SRGAP1: variants seen among roughly 807,000 people sequenced by gnomAD.
SRGAP1 encodes the protein SLIT-ROBO Rho GTPase-activating protein 1.
Under a neutral mutation model 121.9 loss-of-function variants are expected in SRGAP1, and 43 were observed. That is an observed-to-expected ratio of 0.35 (90% CI 0.28 to 0.46). The LOEUF (loss-of-function observed/expected upper bound fraction) is 0.46, where lower values mean the gene tolerates loss of function less well. SRGAP1 is among the 20% of genes least tolerant of loss of function. The pLI is 1.00. For synonymous variants in SRGAP1, 447 were observed against 485.4 expected, an observed-to-expected ratio of 0.92 and a Z score of 1.04; for missense variants, 1,102 against 1,350.9, an observed-to-expected ratio of 0.82 and a Z score of 2.89.
chr12:63,900,204 CTTTTTT>C (rs67622101), intron 1 of SRGAP1, among the ~76,000 whole-genome samples: 8 of 87,524 alleles, frequency 9.1e-5, no homozygotes, highest in African/African-American at 2.4e-4. Flanking sequence ...TTTTCTTTTT[CTTTTTT>C]TTTTTTTTTT....
At chr12:64,105,906 T>C (rs143866042) in intron 15 of SRGAP1, among the ~76,000 whole-genome samples, 4 of 152,334 alleles carry the variant, frequency 2.6e-5, no homozygotes, top group East Asian at 1.9e-4. Flanking sequence ...ATGAATAATA[T>C]AGTAAGAGTG....
chr12:63,922,971 G>T (rs547938410), intron 1 of SRGAP1, among the ~76,000 whole-genome samples: 68 of 152,182 alleles, frequency 4.5e-4, no homozygotes, highest in Admixed American at 2.3e-3. Flanking sequence ...ATATGAAAAC[G>T]TTTGGTAGCA....
At chr12:64,023,892 A>G (rs1479998450) in intron 4 of SRGAP1, among the ~76,000 whole-genome samples, 1 of 152,148 alleles carries the variant, frequency 6.6e-6, no homozygotes. Flanking sequence ...ACAGACAGTA[A>G]ATGACTGATC....
At chr12:63,859,083 T>C (rs1016428417) in intron 1 of SRGAP1, among the ~76,000 whole-genome samples, 2 of 152,228 alleles carry the variant, frequency 1.3e-5, no homozygotes, top group African/African-American at 4.8e-5. Flanking sequence ...GATAGTATTC[T>C]CTTATTTTAA....
At position 64,155,725 on chromosome 12, in the gene SRGAP1, C is replaced by CGGGA. The variant is rs1356707227; in HGVS notation, c.*13055_*13056insGAGG. On this transcript the variant is annotated 3_prime_UTR_variant, in exon 22 of 22. Transcript: ENST00000355086. ...TCGGCTCACCGCAACCTCTGCCTCC[C>CGGGA]GGTTTCAAGCGATTCTCCTGCCTCA... 1 of 151,936 alleles carries CGGGA rather than the reference C, an allele frequency of 6.6e-6. No homozygotes were observed. The highest frequency in any genetic ancestry group is 1.5e-5 in the Non-Finnish European group (1 of 68,042). 9.4% of individuals were successfully genotyped at this position (151,936 alleles called of 1,614,324 possible). A position where few individuals can be genotyped will look rare whatever the true frequency, so the allele number is the denominator to read the frequency against.
chr12:64,092,485 CATACATACATACATACATAT>C (rs2036072753), intron 12 of SRGAP1, among the ~76,000 whole-genome samples: 1 of 151,628 alleles, frequency 6.6e-6, no homozygotes, highest in African/African-American at 2.4e-5. Flanking sequence ...TACATACATA[CATACATACATACATACATAT>C]GTACATAGAT....
chr12:64,029,568 A>G (rs888213340), intron 4 of SRGAP1, among the ~76,000 whole-genome samples: 1 of 152,206 alleles, frequency 6.6e-6, no homozygotes, highest in Non-Finnish European at 1.5e-5. Flanking sequence ...ATTTAGTGAT[A>G]AAGGATGGAT....
chr12:64,056,939 A>G (rs917391497), intron 6 of SRGAP1, among the ~76,000 whole-genome samples: 1 of 152,042 alleles, frequency 6.6e-6, no homozygotes, highest in African/African-American at 2.4e-5. Context: ...CCTTTATCTT[A>G]TCTATAGCAT....
chr12:64,117,529 T>G (rs74482236), intron 18 of SRGAP1, among the ~76,000 whole-genome samples: 3,452 of 152,320 alleles, frequency 0.023, 61 homozygotes, highest in South Asian at 0.12. Flanking sequence ...TTTATCAATC[T>G]TTTCCTTCAT....
intron 1 of SRGAP1, among the ~76,000 whole-genome samples, chr12:63,847,868 C>CA (rs1043094131): frequency 6.6e-6 from 1 of 151,874 alleles, no homozygotes; most frequent in Non-Finnish European, 1.5e-5. Flanking sequence ...TAGAACCTAA[C>CA]ACTCTAGAAT....
intron 4 of SRGAP1, among the ~76,000 whole-genome samples, chr12:64,038,157 T>G (rs1413030204): frequency 6.6e-6 from 1 of 152,212 alleles, no homozygotes; most frequent in Non-Finnish European, 1.5e-5. Context: ...GGTACTTATT[T>G]CATAAGAGTT....
intron 1 of SRGAP1, among the ~76,000 whole-genome samples, chr12:63,893,819 T>C (rs1245958334): frequency 6.6e-6 from 1 of 152,226 alleles, no homozygotes; most frequent in Non-Finnish European, 1.5e-5. Context: ...TTTTGCATGT[T>C]AAGAAACAAA....
At chr12:63,924,418 CT>C (rs1245922384) in intron 1 of SRGAP1, among the ~76,000 whole-genome samples, 1 of 152,174 alleles carries the variant, frequency 6.6e-6, no homozygotes, top group East Asian at 1.9e-4. Flanking sequence ...TCTTCATTAA[CT>C]TTTTGTGATT....
At chr12:63,999,464 C>T (rs113322140) in intron 3 of SRGAP1, among the ~76,000 whole-genome samples, 209 of 152,172 alleles carry the variant, frequency 1.4e-3, no homozygotes, top group African/African-American at 4.9e-3. Flanking sequence ...GATGCTCTTC[C>T]TTGGTTGTGG....
chr12:64,140,199 G>T (rs1435077557), intron 21 of SRGAP1, among the ~76,000 whole-genome samples: 1 of 141,198 alleles, frequency 7.1e-6, no homozygotes, highest in Admixed American at 7.1e-5. Flanking sequence ...TTGTTCTTTT[G>T]GCTTAGGATT....
chr12:64,060,771 T>C (rs987088351), intron 6 of SRGAP1, among the ~76,000 whole-genome samples: 1 of 152,192 alleles, frequency 6.6e-6, no homozygotes, highest in African/African-American at 2.4e-5. Context: ...AGATACATCC[T>C]TTGTACAAAA....
At chr12:64,137,282 T>G (rs553973371) in intron 21 of SRGAP1, among the ~76,000 whole-genome samples, 1 of 148,444 alleles carries the variant, frequency 6.7e-6, no homozygotes. Context: ...AAAAAAAAAA[T>G]GTAAATTATA....
intron 1 of SRGAP1, among the ~76,000 whole-genome samples, chr12:63,912,603 G>A (rs890804697): frequency 6.8e-6 from 1 of 147,766 alleles, no homozygotes; most frequent in Non-Finnish European, 1.5e-5. Flanking sequence ...GATGGAACAA[G>A]ACTCCATTTT....
At chr12:63,934,983 A>T (rs1424094447) in intron 1 of SRGAP1, among the ~76,000 whole-genome samples, 1 of 152,218 alleles carries the variant, frequency 6.6e-6, no homozygotes, top group Non-Finnish European at 1.5e-5. Flanking sequence ...CGAGAATCAG[A>T]TGCTTTGTCT....
Sources: allele counts gnomAD v4.1 joint callset (sites outside exome capture counted in the v4.1 genomes callset), GRCh38; gene constraint gnomAD v4.1.1; transcripts MANE v1.5; gene names NCBI Gene and HGNC (gene_info 2026-07-23, HGNC 2026-07-21).